CREBZF: variants seen among roughly 807,000 people sequenced by gnomAD.
CREBZF encodes HCF-binding transcription factor Zhangfei.
A neutral mutation model predicts 21.1 loss-of-function variants in CREBZF; 8 were observed. The ratio of observed to expected loss-of-function variants is 0.38; its 90% CI spans 0.22 to 0.68. CREBZF has a LOEUF of 0.68. Among genes scored for constraint, CREBZF ranks in the 30% least tolerant of loss-of-function variants. CREBZF has a pLI of 0.51. For synonymous variants in CREBZF, 270 were observed against 223.3 expected (o/e 1.21, Z -1.86); for missense variants, 518 against 484.3 (o/e 1.07, Z -0.65).
chr11:85,668,740 C>T (rs1034586906), upstream of CREBZF, among the ~76,000 whole-genome samples: 1 of 151,932 alleles, frequency 6.6e-6, no homozygotes, highest in Non-Finnish European at 1.5e-5. Flanking sequence ...CGGTGGCTCA[C>T]GCCTGTAATC....
chr11:85,661,441 C>G lies in CREBZF; in HGVS notation c.*2370G>C, dbSNP rs971619207. 2.0e-5 allele frequency: 3 copies of G among 152,410 alleles called. No homozygotes were observed. The highest frequency in any genetic ancestry group is 4.4e-5 in the Non-Finnish European group (3 of 67,952). The allele number at this position is 152,410 out of a possible 1,614,324, so 9.4% of individuals were successfully genotyped here. A position where few individuals can be genotyped will look rare whatever the true frequency, so the allele number is the denominator to read the frequency against. On this transcript the variant is annotated 3_prime_UTR_variant, in exon 1 of 1. Transcript: ENST00000527447. ...TCCTTCCATTTTCAAAAGTTCTTAT[C>G]AAGTAATTCCAAAAACTGCCATTTA...
Position 85,665,029 on chromosome 11 carries a change from C to A in CREBZF, c.-154G>T. On this transcript the variant is annotated 5_prime_UTR_variant, in exon 1 of 1. Transcript: ENST00000527447. ...TCGCCTCCCGCCTCACTTGGCTAGT[C>A]GACCCCCCGCGCCAAGGCGCGGGGA... 2.1e-6 allele frequency: 1 copy of A among 487,180 alleles called. No homozygotes were observed. The allele number at this position is 487,180 out of a possible 1,614,324, so 30.2% of individuals were successfully genotyped here.
Position 85,664,702 on chromosome 11 carries a change from G to A in CREBZF, c.174C>T (p.Gly58=), listed in dbSNP as rs753086625. The change falls in exon 1 of 1, where the codon GGC becomes GGT. Residue 58 remains glycine (G), a synonymous_variant. Coordinates refer to ENST00000527447, the MANE Select transcript of CREBZF (RefSeq NM_001039618.4). This position sits in a 1 kb window ranked among gnomAD's most constrained non-coding sequence, Gnocchi z 5.5. Reference sequence around the variant, plus strand: ...TCCCGGCTTCCAACTCTCCTTCGTCGCCAAACTGCTGCTTGCGGCCGGGAG... The same window carrying A: ...TCCCGGCTTCCAACTCTCCTTCGTCACCAAACTGCTGCTTGCGGCCGGGAG... The part of the protein sequence containing the change: ...AGSPGRKQQF[G]DEGELEAGRG... The A allele has an allele frequency of 3.8e-6, 6 of 1,591,406 alleles. No individual in the cohort carries two copies. The highest frequency in any genetic ancestry group is 1.7e-5 in the Admixed American group (1 of 57,492).
Position 85,664,827 on chromosome 11 carries a change from G to A in CREBZF, c.49C>T (p.Pro17Ser). The A allele has an allele frequency of 6.5e-7, 1 of 1,542,266 alleles. No homozygotes were observed. The highest frequency in any genetic ancestry group is 8.7e-7 in the Non-Finnish European group (1 of 1,150,054). ...GGCTCCGGGCTCTCACTGCGGGTTG[G>A]GGAGTTGCTGCCCGAGGCTGCCAGC... The part of the protein sequence containing the change: ...KLLAASGSNS[P>S]TRSESPEPAA... The change falls in exon 1 of 1, where the codon CCA becomes TCA. Residue 17 changes from proline to serine, a missense_variant. By Grantham distance (74) the Pro-to-Ser change is moderately conservative. Around this residue, in one of 3 missense-constraint regions of CREBZF, gnomAD observed 396 missense variants for 324.4 expected, o/e 1.22. Transcript: ENST00000527447. This position sits in a 1 kb window ranked among gnomAD's most constrained non-coding sequence, Gnocchi z 5.5.
intron 1 of CREBZF, among the ~76,000 whole-genome samples, chr11:85,678,772 C>A (rs1216098488): frequency 1.3e-5 from 2 of 152,202 alleles, no homozygotes; most frequent in African/African-American, 4.8e-5. Flanking sequence ...TTTCTGGGTA[C>A]CTCTTCACCC....
intron 1 of CREBZF, among the ~76,000 whole-genome samples, chr11:85,670,300 CTTTTTTTTTTT>C (rs1178979017): frequency 7.6e-5 from 3 of 39,218 alleles, no homozygotes; most frequent in Non-Finnish European, 1.2e-4. Context: ...ATCTCAAGTT[CTTTTTTTTTTT>C]TTTTTTTTTT....
intron 1 of CREBZF, among the ~76,000 whole-genome samples, chr11:85,677,895 T>A (rs1376847181): frequency 1.3e-5 from 2 of 152,252 alleles, no homozygotes; most frequent in Non-Finnish European, 2.9e-5. Flanking sequence ...AAATGCCTTT[T>A]TACTTTTATC....
chr11:85,673,390 A>T (rs2153329331), intron 1 of CREBZF, among the ~76,000 whole-genome samples: 1 of 152,354 alleles, frequency 6.6e-6, no homozygotes, highest in East Asian at 1.9e-4. Context: ...AGTCATGTGA[A>T]TGTTCTGGTA....
At chr11:85,682,602 CTA>C in intron 1 of CREBZF, 6 of 346,456 alleles carry the variant, frequency 1.7e-5, no homozygotes, top group South Asian at 2.9e-5. Context: ...ACCCCCTGCC[CTA>C]CTCCCCCCAA....
rs1423676051 is a variant in CREBZF at position 85,661,975 on chromosome 11, T to TAC, written c.*1835_*1836insGT. The stretch of plus-strand genomic sequence containing the variant: ...TACTTTTGGTTTATATATATATATA[T>TAC]ATATGTATATATATATATAATTCAG... On this transcript the variant is annotated 3_prime_UTR_variant, in exon 1 of 1. Coordinates refer to ENST00000527447, the MANE Select transcript of CREBZF (RefSeq NM_001039618.4). 4.0e-5 allele frequency: 6 copies of TAC among 148,646 alleles called. No homozygotes were observed. Among genetic ancestry groups the TAC allele is most frequent in the African/African-American group, 1.5e-4 (6 of 40,860 alleles). 9.2% of individuals were successfully genotyped at this position (148,646 alleles called of 1,614,324 possible). A position where few individuals can be genotyped will look rare whatever the true frequency, so the allele number is the denominator to read the frequency against.
rs568147610 is a variant in CREBZF, at chr11:85,658,139, A to G, written c.*5672T>C. On this transcript the variant is annotated 3_prime_UTR_variant, in exon 1 of 1. Coordinates refer to ENST00000527447, the MANE Select transcript of CREBZF (RefSeq NM_001039618.4). ...ATCCCAGTGAAAAAAACAATGAATT[A>G]AAAGTAATTTCTGGCGTTAACCCAA... Among the ~76,000 whole-genome samples, 126 of 152,134 alleles carry G rather than the reference A, an allele frequency of 8.3e-4. No homozygotes were observed. Among genetic ancestry groups the G allele is most frequent in the Non-Finnish European group, 1.5e-3 (104 of 67,854 alleles).
At chr11:85,666,443 T>C (rs149400941), upstream of CREBZF, among the ~76,000 whole-genome samples, 77 of 152,358 alleles carry the variant, frequency 5.1e-4, no homozygotes, top group African/African-American at 1.7e-3. Flanking sequence ...GTTGTTTGAA[T>C]TGGGCTAAAA....
Position 85,660,758 on chromosome 11 carries a change from G to GT in CREBZF, c.*3052dup. 1 of 325,782 alleles carries GT rather than the reference G, an allele frequency of 3.1e-6. No individual in the cohort carries two copies. Among genetic ancestry groups the GT allele is most frequent in the Non-Finnish European group, 5.9e-6 (1 of 168,774 alleles). The allele number at this position is 325,782 out of a possible 1,614,324, so 20.2% of individuals were successfully genotyped here. On this transcript the variant is annotated 3_prime_UTR_variant, in exon 1 of 1. Transcript: ENST00000527447. Reference sequence around the variant, plus strand: ...GTCTGGTCAAAGAAGTGCAGAAACAGTAAGTCAATATGATAGAAATAGTAG... The same window carrying GT: ...GTCTGGTCAAAGAAGTGCAGAAACAGTTAAGTCAATATGATAGAAATAGTAG...
upstream of CREBZF, among the ~76,000 whole-genome samples, chr11:85,665,330 A>G (rs1023527313): frequency 2.6e-5 from 4 of 152,138 alleles, no homozygotes; most frequent in African/African-American, 9.7e-5. Flanking sequence ...GTTCAACACA[A>G]CATTTTGCTA....
chr11:85,669,258 T>C (rs895739989), upstream of CREBZF, among the ~76,000 whole-genome samples: 2 of 152,036 alleles, frequency 1.3e-5, no homozygotes, highest in Non-Finnish European at 2.9e-5. Context: ...GTTTTTTATA[T>C]TGGGGAGGCA....
chr11:85,674,413 A>G (rs544704213), intron 1 of CREBZF, among the ~76,000 whole-genome samples: 1 of 152,348 alleles, frequency 6.6e-6, no homozygotes, highest in South Asian at 2.1e-4. Flanking sequence ...GGCTTAAAAT[A>G]TTCAGTAAAC....
At position 85,674,469 on chromosome 11, in the gene CREBZF, T is replaced by A. The variant is rs916427696; in HGVS notation, n.147+8248A>T. Among the ~76,000 whole-genome samples, 3 of 152,238 alleles carry A rather than the reference T, an allele frequency of 2.0e-5. No individual in the cohort carries two copies. The East Asian group carries it at 5.8e-4, about 29-fold the overall frequency. On this transcript the variant is annotated intron_variant and non_coding_transcript_variant, in intron 1 of 3. Coordinates refer to the CREBZF transcript ENST00000531515. Reference sequence around the variant, plus strand: ...TGTCATTCAGGCTTTGTCATTCCACTTATAGATCACAGTTAGAGTAGATTT... The same window carrying A: ...TGTCATTCAGGCTTTGTCATTCCACATATAGATCACAGTTAGAGTAGATTT...
chr11:85,662,512 T>C lies in CREBZF; in HGVS notation c.*1299A>G. ...AATACGTATATACTTTATCAAGCAG[T>C]GATGTTTCACAAAGAATTTCTTAAT... On this transcript the variant is annotated 3_prime_UTR_variant, in exon 1 of 1. Coordinates refer to ENST00000527447, the MANE Select transcript of CREBZF (RefSeq NM_001039618.4). 1 of 691,218 alleles carries C rather than the reference T, an allele frequency of 1.4e-6. No individual in the cohort carries two copies. Among genetic ancestry groups the C allele is most frequent in the South Asian group, 1.5e-5 (1 of 65,106 alleles). The allele number at this position is 691,218 out of a possible 1,614,324, so 42.8% of individuals were successfully genotyped here.
upstream of CREBZF, among the ~76,000 whole-genome samples, chr11:85,669,308 A>G (rs1014464546): frequency 6.6e-6 from 1 of 152,106 alleles, no homozygotes; most frequent in Non-Finnish European, 1.5e-5. Context: ...AGCTAAATAA[A>G]GGTTATACAA....
Sources: allele counts gnomAD v4.1 joint callset (sites outside exome capture counted in the v4.1 genomes callset), GRCh38; gene constraint gnomAD v4.1.1; regional missense constraint gnomAD v4.1.1; non-coding constraint Gnocchi (gnomAD v3.1); transcripts MANE v1.5; gene names NCBI Gene and HGNC (gene_info 2026-07-23, HGNC 2026-07-21).